CRYL1: variants seen among roughly 807,000 people sequenced by gnomAD.
CRYL1 encodes crystallin lambda 1.
A neutral mutation model predicts 36.6 loss-of-function variants in CRYL1; 29 were observed. That is an observed-to-expected ratio of 0.79 (90% CI 0.59 to 1.08). The LOEUF (loss-of-function observed/expected upper bound fraction) is 1.08. CRYL1 is among the 50% of genes least tolerant of loss of function. The pLI, the probability that CRYL1 is intolerant of heterozygous loss-of-function variation, is 0.00. For missense variants in CRYL1, 411 were observed against 407.9 expected (o/e 1.01, Z -0.06); for synonymous variants, 152 against 151.5 (o/e 1.00, Z -0.02).
chr13:20,431,256 A>G, intron 5 of CRYL1: 1 of 985,432 alleles, frequency 1.0e-6, no homozygotes, highest in Non-Finnish European at 1.2e-6. Flanking sequence ...ATGCGAGTCC[A>G]AACAAGGAAC....
intron 3 of CRYL1, among the ~76,000 whole-genome samples, chr13:20,482,295 T>C (rs1034195765): frequency 1.3e-5 from 2 of 152,212 alleles, no homozygotes; most frequent in Non-Finnish European, 2.9e-5. Flanking sequence ...TCTGACTTTG[T>C]GTAAGGAAAC....
At chr13:20,433,526 C>A (rs1341694684) in intron 4 of CRYL1, among the ~76,000 whole-genome samples, 1 of 152,206 alleles carries the variant, frequency 6.6e-6, no homozygotes, top group Non-Finnish European at 1.5e-5. Flanking sequence ...TCCTGGGCAC[C>A]TGCTCTGCCC....
chr13:20,502,963 A>G (rs2033728589), intron 2 of CRYL1, among the ~76,000 whole-genome samples: 1 of 152,196 alleles, frequency 6.6e-6, no homozygotes, highest in Non-Finnish European at 1.5e-5. Flanking sequence ...GCATTGGTCT[A>G]GATGCACAGC....
At chr13:20,489,312 G>A (rs144443450) in intron 3 of CRYL1, 58 bp downstream of exon 3, 131 of 1,602,146 alleles carry the variant, frequency 8.2e-5, no homozygotes, top group African/African-American at 5.7e-4. Context: ...TTCCTCCGGA[G>A]AGGCTGGGAG....
At chr13:20,467,588 G>A (rs1372584770) in intron 3 of CRYL1, among the ~76,000 whole-genome samples, 1 of 152,160 alleles carries the variant, frequency 6.6e-6, no homozygotes, top group Non-Finnish European at 1.5e-5. Flanking sequence ...TTGGGAGGCC[G>A]AGGCAGGCGG....
At chr13:20,442,712 G>C (rs1030249295) in intron 3 of CRYL1, among the ~76,000 whole-genome samples, 5 of 152,154 alleles carry the variant, frequency 3.3e-5, no homozygotes, top group African/African-American at 1.2e-4. Context: ...CACTACTAAA[G>C]GTAATCAGCT....
At position 20,404,162 on chromosome 13, in the gene CRYL1, GA is replaced by G; in HGVS notation, c.926del (p.Leu309ProfsTer4). The G allele has an allele frequency of 1.2e-6, 2 of 1,613,878 alleles. No individual in the cohort carries two copies. The highest frequency in any genetic ancestry group is 1.7e-6 in the Non-Finnish European group (2 of 1,179,840). ...GCTGCACTTGACTCTTCAACTTGGC[GA>G]GTCTCATGAGGCACTCGTCCCTCCA... ...RQWRDECLMR[L>X]AKLKSQVQPQ is the part of the protein sequence containing the mutation. On this transcript the variant is annotated frameshift_variant, in exon 8 of 8. Coordinates refer to ENST00000298248, the MANE Select transcript of CRYL1 (RefSeq NM_015974.3). LOFTEE classifies it high-confidence loss of function.
chr13:20,438,227 T>A (rs533800127), intron 4 of CRYL1, among the ~76,000 whole-genome samples: 75 of 152,320 alleles, frequency 4.9e-4, no homozygotes, highest in African/African-American at 1.8e-3. Flanking sequence ...CTGGTGGGCA[T>A]CTACAGATCC....
At chr13:20,500,837 T>A (rs1010822169) in intron 2 of CRYL1, among the ~76,000 whole-genome samples, 1 of 152,162 alleles carries the variant, frequency 6.6e-6, no homozygotes, top group Non-Finnish European at 1.5e-5. Context: ...ACATAGAAAT[T>A]GATACTTTTT....
intron 3 of CRYL1, among the ~76,000 whole-genome samples, chr13:20,460,971 C>T (rs1391799069): frequency 2.0e-5 from 3 of 152,100 alleles, no homozygotes; most frequent in African/African-American, 7.2e-5. Flanking sequence ...TTCCCAGCGG[C>T]GCCCTCCCCT....
chr13:20,489,550 C>T lies in CRYL1; in HGVS notation c.150-54G>A, dbSNP rs1354921584. 1.9e-5 allele frequency: 31 copies of T among 1,597,536 alleles called. No individual in the cohort carries two copies. In the Middle Eastern group the frequency reaches 6.6e-4, roughly 34 times the overall value. Reference sequence around the variant, plus strand: ...GAGTATTCAACACCACATTTAAAAACAGATAAAGCCCAACATCAGGAATCA... The same window carrying T: ...GAGTATTCAACACCACATTTAAAAATAGATAAAGCCCAACATCAGGAATCA... On this transcript the variant is annotated intron_variant, in intron 2 of 7. Coordinates refer to ENST00000298248, the MANE Select transcript of CRYL1 (RefSeq NM_015974.3).
intron 3 of CRYL1, among the ~76,000 whole-genome samples, chr13:20,484,484 C>T (rs1156688739): frequency 6.6e-6 from 1 of 152,104 alleles, no homozygotes; most frequent in Non-Finnish European, 1.5e-5. Context: ...CCAGCCTGGC[C>T]AACATAGTGA....
chr13:20,413,653 A>G (rs1369730208), intron 5 of CRYL1, among the ~76,000 whole-genome samples: 1 of 152,248 alleles, frequency 6.6e-6, no homozygotes, highest in African/African-American at 2.4e-5. Flanking sequence ...TCTGTTTCAT[A>G]TACACCTAGC....
At chr13:20,502,729 C>T (rs1029527856) in intron 2 of CRYL1, among the ~76,000 whole-genome samples, 1 of 152,180 alleles carries the variant, frequency 6.6e-6, no homozygotes, top group African/African-American at 2.4e-5. Context: ...GGGAGACAGA[C>T]AGGGGAGGAG....
At chr13:20,506,536 A>G (rs1303356696) in intron 2 of CRYL1, among the ~76,000 whole-genome samples, 2 of 152,154 alleles carry the variant, frequency 1.3e-5, no homozygotes, top group African/African-American at 2.4e-5. Context: ...CTGGTTAAAA[A>G]AAAAACAAAA....
rs548805985 is a variant in CRYL1, at chr13:20,485,087, G to A, written c.276+4283C>T. 1.2e-3 allele frequency among the ~76,000 whole-genome samples: 181 copies of A among 152,150 alleles called. 3 individuals are homozygous for A. The South Asian group carries it at 0.033, about 27-fold the overall frequency. On this transcript the variant is annotated intron_variant, in intron 3 of 7. Transcript: ENST00000298248. Reference sequence around the variant, plus strand: ...GGCTGGAGTGCAGTGGCTCCATCTCGGCTCACTGCAACCTTTACCTCCTGG... The same window carrying A: ...GGCTGGAGTGCAGTGGCTCCATCTCAGCTCACTGCAACCTTTACCTCCTGG...
At chr13:20,514,122 T>G (rs66571648) in intron 1 of CRYL1, among the ~76,000 whole-genome samples, 36,656 of 152,042 alleles carry the variant, frequency 0.24, 6,345 homozygotes, top group African/African-American at 0.49. Context: ...ATTTATGTAG[T>G]TACTCCCCCT....
At chr13:20,422,539 T>A (rs887698673) in intron 5 of CRYL1, among the ~76,000 whole-genome samples, 2 of 151,992 alleles carry the variant, frequency 1.3e-5, no homozygotes, top group African/African-American at 4.8e-5. Flanking sequence ...CAGGCTGGGG[T>A]CGCCCAGCAA....
In CRYL1 at chr13:20,497,496, A is replaced by C. The variant is rs62648193; in HGVS notation, c.150-8000T>G. ...CACACCACCACACACACAACTACAC[A>C]CAGCACACACCACATATACGCACTA... On this transcript the variant is annotated intron_variant, in intron 2 of 7. Transcript: ENST00000298248. Among the ~76,000 whole-genome samples, 61 of 45,448 alleles carry C rather than the reference A, an allele frequency of 1.3e-3. 3 individuals carry two copies. The highest frequency in any genetic ancestry group is 0.019 in the Middle Eastern group (1 of 54). The allele number at this position is 45,448 out of a possible 152,430, so 29.8% of individuals were successfully genotyped here.
Sources: allele counts gnomAD v4.1 joint callset (sites outside exome capture counted in the v4.1 genomes callset), GRCh38; gene constraint gnomAD v4.1.1; transcripts MANE v1.5; gene names NCBI Gene and HGNC (gene_info 2026-07-23, HGNC 2026-07-21).